Variants in TRPM3 observed in about 807,000 individuals in gnomAD.
The protein encoded by TRPM3 is long transient receptor potential channel 3.
Under a neutral mutation model 181.2 loss-of-function variants are expected in TRPM3, and 77 were observed. That is an observed-to-expected ratio of 0.42 (90% CI 0.35 to 0.51). The LOEUF is 0.51. TRPM3 is among the 20% of genes least tolerant of loss of function. The probability of loss-of-function intolerance (pLI) is 0.01; values close to 1 mark genes in which losing one functional copy is unlikely to be tolerated. For missense variants in TRPM3, 1,759 were observed against 2,196.7 expected, an observed-to-expected ratio of 0.80 and a Z score of 3.98; for synonymous variants, 745 against 796.4, an observed-to-expected ratio of 0.94 and a Z score of 1.09.
intron 1 of TRPM3, among the ~76,000 whole-genome samples, chr9:71,428,715 C>T (rs1250930144): frequency 6.6e-6 from 1 of 152,006 alleles, no homozygotes; most frequent in Non-Finnish European, 1.5e-5. Context: ...AAAGACTTGC[C>T]TAATGAAAAA....
chr9:70,883,291 A>T (rs1478456673), intron 1 of TRPM3, among the ~76,000 whole-genome samples: 1 of 152,210 alleles, frequency 6.6e-6, no homozygotes, highest in Admixed American at 6.5e-5. Flanking sequence ...TCCCTCAAAG[A>T]GAAACTAACC....
chr9:71,079,472 C>A (rs1466649531), intron 1 of TRPM3, among the ~76,000 whole-genome samples: 1 of 152,122 alleles, frequency 6.6e-6, no homozygotes, highest in Admixed American at 6.5e-5. Flanking sequence ...TCAGTTAAGT[C>A]AAATTACCAG....
At chr9:70,688,106 T>C (rs1225170471) in intron 8 of TRPM3, among the ~76,000 whole-genome samples, 2 of 152,162 alleles carry the variant, frequency 1.3e-5, no homozygotes, top group East Asian at 3.9e-4. Context: ...TTGCTAGTCT[T>C]CTTGATTCTG....
At chr9:71,088,713 G>A (rs1488572004) in intron 1 of TRPM3, among the ~76,000 whole-genome samples, 1 of 152,024 alleles carries the variant, frequency 6.6e-6, no homozygotes, top group Non-Finnish European at 1.5e-5. Flanking sequence ...AACATAATTA[G>A]TATGTGGATA....
intron 12 of TRPM3, among the ~76,000 whole-genome samples, chr9:70,631,639 A>G (rs1035277578): frequency 6.6e-6 from 1 of 152,230 alleles, no homozygotes; most frequent in African/African-American, 2.4e-5. Flanking sequence ...CTCTGGTTTA[A>G]TATGAGAGCA....
At chr9:70,764,115 T>C (rs2078655400) in intron 7 of TRPM3, among the ~76,000 whole-genome samples, 1 of 152,158 alleles carries the variant, frequency 6.6e-6, no homozygotes, top group Non-Finnish European at 1.5e-5. Flanking sequence ...ATAGAGATTT[T>C]AGGTTTTATC....
At chr9:71,285,618 C>T (rs2085218365) in intron 1 of TRPM3, among the ~76,000 whole-genome samples, 1 of 152,216 alleles carries the variant, frequency 6.6e-6, no homozygotes, top group African/African-American at 2.4e-5. Flanking sequence ...CTCAGGGCTA[C>T]TTAGTCCAAA....
chr9:70,920,011 A>T (rs2096639006), intron 1 of TRPM3, among the ~76,000 whole-genome samples: 1 of 152,146 alleles, frequency 6.6e-6, no homozygotes, highest in Non-Finnish European at 1.5e-5. Flanking sequence ...TTGATCTTCA[A>T]GAATATAGGT....
chr9:70,933,950 G>GT (rs1438882444), intron 1 of TRPM3, among the ~76,000 whole-genome samples: 6 of 152,088 alleles, frequency 3.9e-5, no homozygotes, highest in African/African-American at 1.2e-4. Context: ...GGAAGGCAGG[G>GT]TTTTTTGTGG....
At chr9:71,114,288 T>C (rs1044797355) in intron 1 of TRPM3, among the ~76,000 whole-genome samples, 9 of 152,136 alleles carry the variant, frequency 5.9e-5, no homozygotes, top group African/African-American at 2.2e-4. Context: ...TAGATCTGAA[T>C]TCCGAAAGGC....
intron 8 of TRPM3, among the ~76,000 whole-genome samples, chr9:70,682,036 T>C (rs977700969): frequency 3.3e-5 from 5 of 152,170 alleles, no homozygotes; most frequent in Non-Finnish European, 7.3e-5. Flanking sequence ...TTTGAATCTG[T>C]GCTGCCTTGA....
At chr9:70,664,081 T>A (rs2061481921) in intron 9 of TRPM3, among the ~76,000 whole-genome samples, 3 of 152,184 alleles carry the variant, frequency 2.0e-5, no homozygotes, top group Admixed American at 6.5e-5. Context: ...TTTCCAACAA[T>A]AAATTTACCA....
intron 1 of TRPM3, among the ~76,000 whole-genome samples, chr9:71,085,612 T>C (rs760657761): frequency 5.3e-5 from 8 of 151,638 alleles, no homozygotes; most frequent in Non-Finnish European, 7.4e-5. Flanking sequence ...ACATCACTAA[T>C]CACCAGAGAA....
chr9:71,236,174 G>A (rs1405571522), intron 1 of TRPM3, among the ~76,000 whole-genome samples: 1 of 152,188 alleles, frequency 6.6e-6, no homozygotes, highest in Non-Finnish European at 1.5e-5. Context: ...ATTGTGTGTT[G>A]TGGAAATGCC....
chr9:70,944,501 T>C (rs760820715), intron 1 of TRPM3, among the ~76,000 whole-genome samples: 1 of 152,260 alleles, frequency 6.6e-6, no homozygotes, highest in Middle Eastern at 3.4e-3. Flanking sequence ...CTTTTGTCCT[T>C]TAACGAATGA....
chr9:71,052,925 T>C (rs2060220050), intron 1 of TRPM3, among the ~76,000 whole-genome samples: 1 of 152,142 alleles, frequency 6.6e-6, no homozygotes, highest in Non-Finnish European at 1.5e-5. Context: ...CTGGAAGCTA[T>C]ATTTTTATGG....
intron 6 of TRPM3, 109 bp from the exon 7 acceptor site, chr9:70,784,388 CG>C: frequency 8.2e-7 from 1 of 1,219,448 alleles, no homozygotes. Context: ...TTACTGAGCA[CG>C]GGGGAGGTAG....
At chr9:71,152,217 T>C (rs6560180) in intron 1 of TRPM3, among the ~76,000 whole-genome samples, 12,898 of 152,156 alleles carry the variant, frequency 0.085, 706 homozygotes, top group African/African-American at 0.15. Flanking sequence ...ATTTACTGCA[T>C]AGTAACTTAG....
chr9:71,212,334 G>C (rs1411019082), intron 1 of TRPM3, among the ~76,000 whole-genome samples: 1 of 152,042 alleles, frequency 6.6e-6, no homozygotes, highest in Admixed American at 6.6e-5. Context: ...GTGATTTCAT[G>C]TTCCTTATAT....
Sources: allele counts gnomAD v4.1 joint callset (sites outside exome capture counted in the v4.1 genomes callset), GRCh38; gene constraint gnomAD v4.1.1; transcripts MANE v1.5; gene names NCBI Gene and HGNC (gene_info 2026-07-23, HGNC 2026-07-21).